The following FRMD4B variants were observed in gnomAD, a reference collection of about 807,000 sequenced individuals.
FRMD4B encodes the protein FERM domain containing 4B.
FRMD4B carries 74 observed loss-of-function variants against 141.5 expected under a neutral mutation model. The ratio of observed to expected loss-of-function variants is 0.52; its 90% confidence interval spans 0.43 to 0.63. The LOEUF is 0.63. Ranked by LOEUF, FRMD4B falls within the 30% of genes least tolerant of loss-of-function variation. The pLI, the probability that FRMD4B is intolerant of heterozygous loss-of-function variation, is 0.00. For missense variants in FRMD4B, 1,366 were observed against 1,253.4 expected (o/e 1.09, Z -1.36); for synonymous variants, 506 against 467.9 (o/e 1.08, Z -1.05).
intron 1 of FRMD4B, among the ~76,000 whole-genome samples, chr3:69,465,594 T>C (rs1705770092): frequency 6.8e-6 from 1 of 147,976 alleles, no homozygotes; most frequent in Non-Finnish European, 1.5e-5. Context: ...CCTGTGTCCA[T>C]GTGTTCTCAT....
intron 7 of FRMD4B, among the ~76,000 whole-genome samples, chr3:69,238,766 CAG>C (rs2093362963): frequency 6.6e-6 from 1 of 152,184 alleles, no homozygotes; most frequent in Non-Finnish European, 1.5e-5. Context: ...GCCAGGATAA[CAG>C]AGAAAAATCC....
At chr3:69,245,313 TTCTTTG>T (rs1208622904) in intron 7 of FRMD4B, among the ~76,000 whole-genome samples, 10 of 125,994 alleles carry the variant, frequency 7.9e-5, no homozygotes, top group Non-Finnish European at 1.3e-4. Flanking sequence ...TTGCCTGACT[TTCTTTG>T]TGTGTGTGTG....
At chr3:69,185,025 C>T (rs1420781995) in intron 19 of FRMD4B, among the ~76,000 whole-genome samples, 1 of 152,070 alleles carries the variant, frequency 6.6e-6, no homozygotes, top group African/African-American at 2.4e-5. Flanking sequence ...ACAATGTGAC[C>T]TGGCGCGGTG....
Position 69,171,866 on chromosome 3 carries a change from C to G in FRMD4B, c.3100G>C (p.Val1034Leu), listed in dbSNP as rs754342263. The change falls in exon 23 of 23, where the codon GTC becomes CTC. Residue 1034 changes from valine to leucine, a missense_variant. Val to Leu is a conservative substitution (Grantham distance 32, BLOSUM62 1). Coordinates refer to ENST00000398540, the MANE Select transcript of FRMD4B (RefSeq NM_015123.3). ...TCAGGAGGTCCAACTGCAGTTCAGA[C>G]TAATGTTCCAGGCTTTGAATCTTCA... ...WHEDSKPGTLV is the reference protein window; with the variant it reads ...WHEDSKPGTLL The G allele has an allele frequency of 3.1e-6, 5 of 1,613,550 alleles. No individual in the cohort carries two copies. In the African/African-American group the frequency reaches 6.7e-5, roughly 22 times the overall value.
At chr3:69,215,987 C>A (rs2107726672) in intron 11 of FRMD4B, among the ~76,000 whole-genome samples, 1 of 152,236 alleles carries the variant, frequency 6.6e-6, no homozygotes, top group East Asian at 1.9e-4. Flanking sequence ...AACCCCGTCT[C>A]TACTAAAAGT....
intron 1 of FRMD4B, among the ~76,000 whole-genome samples, chr3:69,525,192 T>C (rs1463718139): frequency 3.3e-5 from 5 of 152,224 alleles, no homozygotes; most frequent in African/African-American, 1.2e-4. Flanking sequence ...TTGCTAATCC[T>C]GCCACCCAAG....
At chr3:69,474,064 G>A (rs1203774585) in intron 1 of FRMD4B, among the ~76,000 whole-genome samples, 1 of 152,170 alleles carries the variant, frequency 6.6e-6, no homozygotes, top group Admixed American at 6.5e-5. Context: ...AACTGCAAAT[G>A]CCCAAGGGAT....
rs1023225496 is a variant in FRMD4B at position 69,194,884 on chromosome 3, A to C, written c.1488+138T>G. On this transcript the variant is annotated intron_variant, in intron 16 of 22. Transcript: ENST00000398540. Reference sequence around the variant, plus strand: ...GGAGTGGGCATGAAAGAAAGAGTTCAATTTGGTCTACACGATCCATCTGTA... The same window carrying C: ...GGAGTGGGCATGAAAGAAAGAGTTCCATTTGGTCTACACGATCCATCTGTA... The C allele has an allele frequency of 3.8e-5, 25 of 662,036 alleles. No individual in the cohort carries two copies. In the African/African-American group the frequency reaches 4.2e-4, roughly 11 times the overall value. 41.0% of individuals were successfully genotyped at this position (662,036 alleles called of 1,614,324 possible).
chr3:69,432,785 C>G (rs1705201167), intron 1 of FRMD4B: 1 of 152,182 alleles, frequency 6.6e-6, no homozygotes, highest in Non-Finnish European at 1.5e-5. Context: ...GAGAGAAGCT[C>G]CTTAATTTCT....
chr3:69,171,886 T>C lies in FRMD4B; in HGVS notation c.3080A>G (p.Asp1027Gly). 1 of 1,613,174 alleles carries C rather than the reference T, an allele frequency of 6.2e-7. No homozygotes were observed. Among genetic ancestry groups the C allele is most frequent in the Non-Finnish European group, 8.5e-7 (1 of 1,179,286 alleles). The change falls in exon 23 of 23, where the codon GAT (aspartate) becomes GGT (glycine). Residue 1027 changes from aspartate to glycine, a missense_variant. Asp to Gly is a moderately conservative substitution (Grantham distance 94). Transcript: ENST00000398540. ...TCAGACTAATGTTCCAGGCTTTGAA[T>C]CTTCATGCCAAAAGAGTCTCTGCTC... is the stretch of plus-strand genomic sequence containing the variant. ...SSEQRLFWHEDSKPGTLV is the reference protein window; with the variant it reads ...SSEQRLFWHEGSKPGTLV
At chr3:69,191,372 A>G (rs970400146) in intron 17 of FRMD4B, among the ~76,000 whole-genome samples, 1 of 152,218 alleles carries the variant, frequency 6.6e-6, no homozygotes. Flanking sequence ...GTGAGCCGAG[A>G]TCATGCCACT....
intron 1 of FRMD4B, chr3:69,535,882 T>C (rs7644318): frequency 0.47 from 205,691 of 434,770 alleles, 50,932 homozygotes; most frequent in African/African-American, 0.7. Flanking sequence ...GAGGAAGCAA[T>C]GCCATTCTTG....
At chr3:69,417,587 T>C (rs894963781) in intron 2 of FRMD4B, among the ~76,000 whole-genome samples, 1 of 152,336 alleles carries the variant, frequency 6.6e-6, no homozygotes, top group Non-Finnish European at 1.5e-5. Flanking sequence ...TTGTTGCCAT[T>C]GCTTTTGGTG....
At chr3:69,215,608 T>A (rs1274841340) in intron 11 of FRMD4B, among the ~76,000 whole-genome samples, 2 of 151,930 alleles carry the variant, frequency 1.3e-5, no homozygotes, top group Non-Finnish European at 2.9e-5. Context: ...CTTTCATAAA[T>A]AGCACACAAC....
intron 2 of FRMD4B, among the ~76,000 whole-genome samples, chr3:69,391,569 T>C (rs144281537): frequency 5.9e-5 from 9 of 152,296 alleles, no homozygotes; most frequent in Middle Eastern, 3.4e-3. Context: ...TCCATAGTAC[T>C]AGAAGAAGTC....
At chr3:69,344,943 A>G (rs1371843471) in intron 1 of FRMD4B, among the ~76,000 whole-genome samples, 1 of 152,022 alleles carries the variant, frequency 6.6e-6, no homozygotes, top group Non-Finnish European at 1.5e-5. Context: ...TGCATTTCCA[A>G]CTGAGATACT....
rs79403073 is a variant in FRMD4B, at chr3:69,200,759, C to T, written c.877-1985G>A. 36 of 998,844 alleles carry T rather than the reference C, an allele frequency of 3.6e-5. No homozygotes were observed. In the East Asian group the frequency reaches 1.4e-3, roughly 40 times the overall value. 61.9% of individuals were successfully genotyped at this position (998,844 alleles called of 1,614,324 possible). On this transcript the variant is annotated intron_variant, in intron 11 of 22. Coordinates refer to ENST00000398540, the MANE Select transcript of FRMD4B (RefSeq NM_015123.3). ...AAGTAAGTTGCTTTGAATCCAAGGA[C>T]GAATTTCACCGGAGGCTGTTTTAGG...
chr3:69,511,761 G>C (rs1264433166), intron 1 of FRMD4B, among the ~76,000 whole-genome samples: 1 of 152,086 alleles, frequency 6.6e-6, no homozygotes, highest in Non-Finnish European at 1.5e-5. Flanking sequence ...CTTTCTCAAG[G>C]ATCAGACCTG....
intron 7 of FRMD4B, among the ~76,000 whole-genome samples, chr3:69,248,002 C>T (rs36012249): frequency 2.0e-5 from 3 of 151,494 alleles, no homozygotes; most frequent in South Asian, 4.2e-4. Context: ...ATGTTGGCCA[C>T]GCTGGTCTGG....
Sources: allele counts gnomAD v4.1 joint callset (sites outside exome capture counted in the v4.1 genomes callset), GRCh38; gene constraint gnomAD v4.1.1; transcripts MANE v1.5; gene names NCBI Gene and HGNC (gene_info 2026-07-23, HGNC 2026-07-21).